SPATA6L: variants seen among roughly 807,000 people sequenced by gnomAD.
The protein encoded by SPATA6L is spermatogenesis associated 6-like protein.
In SPATA6L, 68 loss-of-function variants were observed where a neutral mutation model predicts 49.2. That is an observed-to-expected ratio of 1.38 (90% CI 1.14 to 1.69). The LOEUF (loss-of-function observed/expected upper bound fraction) is 1.69. Ranked by LOEUF, SPATA6L falls within the 40% of genes most tolerant of loss-of-function variation. SPATA6L has a pLI of 0.00. For synonymous variants in SPATA6L, 198 were observed against 165.7 expected (o/e 1.19, Z -1.50); for missense variants, 668 against 464.3 (o/e 1.44, Z -4.03).
At chr9:4,621,596 C>T (rs1403816028) in intron 7 of SPATA6L, among the ~76,000 whole-genome samples, 4 of 152,076 alleles carry the variant, frequency 2.6e-5, no homozygotes, top group Non-Finnish European at 5.9e-5. Flanking sequence ...TCAAGCGATT[C>T]TCCTGCCTCA....
chr9:4,639,876 T>C (rs1415913759), intron 3 of SPATA6L, among the ~76,000 whole-genome samples: 2 of 152,226 alleles, frequency 1.3e-5, no homozygotes, highest in East Asian at 3.8e-4. Flanking sequence ...TGATTCCCTC[T>C]TTACAGATAA....
Position 4,666,229 on chromosome 9 carries a change from C to T in SPATA6L, c.22G>A (p.Glu8Lys). The stretch of plus-strand genomic sequence containing the variant: ...TCTCTTACCGCCCGGATCTGCAGCT[C>T]CACCACCACCTCCAGAGGCATCGTT... MPLEVVV[E>K]LQIRAISCPG... The change falls in exon 1 of 12, where the codon GAG (glutamate) becomes AAG (lysine). Residue 8 changes from glutamate (E) to lysine (K), a missense_variant. Transcript: ENST00000682582. 3 of 1,614,118 alleles carry T rather than the reference C, an allele frequency of 1.9e-6. No individual in the cohort carries two copies. The highest frequency in any genetic ancestry group is 2.5e-6 in the Non-Finnish European group (3 of 1,180,008).
intron 13 of SPATA6L, among the ~76,000 whole-genome samples, chr9:4,589,220 G>T (rs776998505): frequency 1.3e-5 from 2 of 152,240 alleles, no homozygotes; most frequent in Non-Finnish European, 2.9e-5. Context: ...AAATGCATGT[G>T]ATGCATGTAG....
downstream of SPATA6L, among the ~76,000 whole-genome samples, chr9:4,597,241 CAGG>C (rs1822339588): frequency 6.6e-6 from 1 of 151,558 alleles, no homozygotes; most frequent in South Asian, 2.1e-4. Flanking sequence ...CACTTGAGGC[CAGG>C]AGTTCAAGAC....
rs1416931399 is a variant in SPATA6L at position 4,635,433 on chromosome 9, T to C, written c.227-34A>G. ...AAAATAGAAAAAGCATAAATATCTG[T>C]ATTTACACCTCCAGGCTTAACAAAA... On this transcript the variant is annotated intron_variant, in intron 3 of 11. Coordinates refer to ENST00000682582, the MANE Select transcript of SPATA6L (RefSeq NM_001353486.2). 3 of 1,563,418 alleles carry C rather than the reference T, an allele frequency of 1.9e-6. No individual in the cohort carries two copies. In the East Asian group the frequency reaches 7.2e-5, roughly 38 times the overall value.
chr9:4,622,527 G>C lies in SPATA6L; in HGVS notation c.670-17C>G. ...ACTGTCCACCTGAAAGTAAAGGAAA[G>C]AAATAAGACTAGAATCCACTATAGC... On this transcript the variant is annotated splice_polypyrimidine_tract_variant and intron_variant, in intron 6 of 11. Transcript: ENST00000682582. The C allele has an allele frequency of 5.8e-6, 9 of 1,551,054 alleles. No individual in the cohort carries two copies. Among genetic ancestry groups the C allele is most frequent in the Non-Finnish European group, 6.2e-6 (7 of 1,127,582 alleles).
chr9:4,653,489 G>C (rs1165124754), intron 3 of SPATA6L, among the ~76,000 whole-genome samples: 1 of 151,994 alleles, frequency 6.6e-6, no homozygotes, highest in Non-Finnish European at 1.5e-5. Flanking sequence ...AGCAACAAAG[G>C]AAAAATAGAT....
At chr9:4,614,946 C>T (rs750038734) in intron 9 of SPATA6L, among the ~76,000 whole-genome samples, 1 of 152,150 alleles carries the variant, frequency 6.6e-6, no homozygotes, top group African/African-American at 2.4e-5. Flanking sequence ...TGTCACAGAG[C>T]TCCTCACTCC....
chr9:4,624,916 T>C (rs1830056383), intron 6 of SPATA6L, among the ~76,000 whole-genome samples: 1 of 152,194 alleles, frequency 6.6e-6, no homozygotes, highest in East Asian at 1.9e-4. Context: ...ACCAATCTCA[T>C]TAATAAAACT....
At chr9:4,625,596 A>T (rs1382155741) in intron 5 of SPATA6L, 30 bp from the exon 6 acceptor site, 1 of 1,411,052 alleles carries the variant, frequency 7.1e-7, no homozygotes, top group Middle Eastern at 2.3e-4. Flanking sequence ...AATATTTTTT[A>T]AAATAAAGAA....
intron 13 of SPATA6L, among the ~76,000 whole-genome samples, chr9:4,591,108 C>T (rs1313376757): frequency 6.6e-6 from 1 of 152,098 alleles, no homozygotes; most frequent in Non-Finnish European, 1.5e-5. Flanking sequence ...AGTACCTTTT[C>T]CAAGGTGAAG....
intron 5 of SPATA6L, chr9:4,626,643 C>A: frequency 1.2e-5 from 13 of 1,094,916 alleles, no homozygotes; most frequent in South Asian, 1.6e-5. Flanking sequence ...CCCTGTTTAG[C>A]CATTTTTAAA....
At chr9:4,609,291 T>C (rs1161758959) in intron 9 of SPATA6L, among the ~76,000 whole-genome samples, 1 of 151,636 alleles carries the variant, frequency 6.6e-6, no homozygotes, top group East Asian at 1.9e-4. Flanking sequence ...CCCTAACTCA[T>C]TTTATGAGGC....
At chr9:4,591,291 C>T (rs1284013190) in intron 13 of SPATA6L, among the ~76,000 whole-genome samples, 4 of 152,144 alleles carry the variant, frequency 2.6e-5, no homozygotes, top group Non-Finnish European at 5.9e-5. Flanking sequence ...TTAAAGAGCC[C>T]TTGTGTTGTG....
At chr9:4,649,532 T>C (rs1007191302) in intron 3 of SPATA6L, among the ~76,000 whole-genome samples, 5 of 152,236 alleles carry the variant, frequency 3.3e-5, no homozygotes, top group Non-Finnish European at 7.3e-5. Context: ...GAAACTATAG[T>C]AATGTGGACA....
chr9:4,599,913 C>A lies in SPATA6L; in HGVS notation c.*898G>T, dbSNP rs528367258. On this transcript the variant is annotated 3_prime_UTR_variant, in exon 12 of 12. Coordinates refer to ENST00000682582, the MANE Select transcript of SPATA6L (RefSeq NM_001353486.2). ...AGGGAAATAAGTTTCCATTTTCAGG[C>A]CCCTCTTCTCTGGGTCTGTATCAAT... Among the ~76,000 whole-genome samples, 5 of 152,234 alleles carry A rather than the reference C, an allele frequency of 3.3e-5. No individual in the cohort carries two copies. Among genetic ancestry groups the A allele is most frequent in the Admixed American group, 2.6e-4 (4 of 15,290 alleles).
Position 4,598,595 on chromosome 9 carries a change from G to A in SPATA6L, c.*2216C>T, listed in dbSNP as rs1822532608. ...ACTTTAAATAAGAATGGGCATTTAA[G>A]ATCTTATTAAAGAGTTATGCTTAAA... On this transcript the variant is annotated 3_prime_UTR_variant, in exon 12 of 12. Coordinates refer to ENST00000682582, the MANE Select transcript of SPATA6L (RefSeq NM_001353486.2). Among the ~76,000 whole-genome samples, 5 of 152,180 alleles carry A rather than the reference G, an allele frequency of 3.3e-5. No homozygotes were observed. The South Asian group carries it at 1.0e-3, about 32-fold the overall frequency.
chr9:4,661,749 T>TCCAACTGCGGTTTTGCTTCAAGG (rs143968076), intron 2 of SPATA6L, 150 bp downstream of exon 2: 100,770 of 798,382 alleles, frequency 0.13, 7,419 homozygotes, highest in Non-Finnish European at 0.14. Context: ...AAGCAAGTGT[T>TCCAACTGCGGTTTTGCTTCAAGG]CCGACTGCGG....
rs182679618 is a variant in SPATA6L at position 4,662,262 on chromosome 9, G to T, written c.40-226C>A. 1 of 1,432,936 alleles carries T rather than the reference G, an allele frequency of 7.0e-7. No homozygotes were observed. The highest frequency in any genetic ancestry group is 1.5e-5 in the South Asian group (1 of 67,074). 88.8% of individuals were successfully genotyped at this position (1,432,936 alleles called of 1,614,324 possible). A position where few individuals can be genotyped will look rare whatever the true frequency, so the allele number is the denominator to read the frequency against. On this transcript the variant is annotated intron_variant, in intron 1 of 11. Coordinates refer to ENST00000682582, the MANE Select transcript of SPATA6L (RefSeq NM_001353486.2). The surrounding 1 kb of genome is among the most constrained non-coding windows in gnomAD (Gnocchi z 4.9). ...CACCAGGTGTCACAATCGCGCTCTC[G>T]CCGGCTCCTCTCCCCGCCCCTCCGG...
Sources: allele counts gnomAD v4.1 joint callset (sites outside exome capture counted in the v4.1 genomes callset), GRCh38; gene constraint gnomAD v4.1.1; non-coding constraint Gnocchi (gnomAD v3.1); transcripts MANE v1.5; gene names NCBI Gene and HGNC (gene_info 2026-07-23, HGNC 2026-07-21).